Variants in PLPPR4 observed in about 807,000 individuals in gnomAD.
PLPPR4 encodes phospholipid phosphatase related 4, also known as phospholipid phosphatase-related protein type 4.
A neutral mutation model predicts 56.6 loss-of-function variants in PLPPR4; 24 were observed. That is an observed-to-expected ratio of 0.42 (90% confidence interval 0.31 to 0.60). PLPPR4 has a LOEUF of 0.60. Ranked by LOEUF, PLPPR4 falls within the 20% of genes least tolerant of loss-of-function variation. The pLI is 0.13. For synonymous variants in PLPPR4, 326 were observed against 328.1 expected (o/e 0.99, Z 0.07); for missense variants, 654 against 885.8 (o/e 0.74, Z 3.32).
At chr1:99,291,146 C>T (rs1420144386) in intron 2 of PLPPR4, among the ~76,000 whole-genome samples, 1 of 150,956 alleles carries the variant, frequency 6.6e-6, no homozygotes, top group Non-Finnish European at 1.5e-5. Context: ...AGACACTTCT[C>T]AAAAGAGGGC....
intron 1 of PLPPR4, among the ~76,000 whole-genome samples, chr1:99,279,290 C>G (rs537331142): frequency 2.6e-5 from 4 of 151,950 alleles, no homozygotes; most frequent in African/African-American, 9.7e-5. Context: ...GAAAGTGATC[C>G]GAAGGAAGCA....
At chr1:99,263,024 C>T (rs959969782), upstream of PLPPR4, among the ~76,000 whole-genome samples, 1 of 152,248 alleles carries the variant, frequency 6.6e-6, no homozygotes, top group African/African-American at 2.4e-5. Context: ...CTTCTGATTA[C>T]TTCTATTTTC....
At chr1:99,282,613 C>A (rs543586747) in intron 1 of PLPPR4, among the ~76,000 whole-genome samples, 10 of 152,256 alleles carry the variant, frequency 6.6e-5, no homozygotes, top group African/African-American at 2.4e-4. Flanking sequence ...CATTTCAAAT[C>A]ATACTACACC....
intron 1 of PLPPR4, among the ~76,000 whole-genome samples, chr1:99,272,084 C>A (rs1349613027): frequency 6.6e-6 from 1 of 152,100 alleles, no homozygotes; most frequent in African/African-American, 2.4e-5. Flanking sequence ...TTACTCAAAG[C>A]AAACACATTT....
chr1:99,278,555 C>G (rs879021165), intron 1 of PLPPR4, among the ~76,000 whole-genome samples: 1 of 152,096 alleles, frequency 6.6e-6, no homozygotes, highest in Admixed American at 6.6e-5. Flanking sequence ...TACAGATTCT[C>G]AGCCTCAGGT....
intron 1 of PLPPR4, among the ~76,000 whole-genome samples, chr1:99,270,749 A>G (rs183676448): frequency 5.9e-5 from 9 of 152,262 alleles, no homozygotes; most frequent in Non-Finnish European, 1.2e-4. Flanking sequence ...ACATTTCTGC[A>G]TTGCATATAC....
intron 1 of PLPPR4, among the ~76,000 whole-genome samples, chr1:99,287,033 C>A (rs528900921): frequency 1.8e-4 from 28 of 152,212 alleles, no homozygotes; most frequent in African/African-American, 6.7e-4. Flanking sequence ...TAAGTTCCCT[C>A]CCCTCAACCC....
intron 1 of PLPPR4, among the ~76,000 whole-genome samples, chr1:99,285,261 G>C (rs1165071769): frequency 6.6e-6 from 1 of 152,022 alleles, no homozygotes; most frequent in African/African-American, 2.4e-5. Flanking sequence ...GAAAGTTTTA[G>C]GTTAAATGAG....
chr1:99,280,399 G>A (rs1235725328), intron 1 of PLPPR4, among the ~76,000 whole-genome samples: 1 of 152,188 alleles, frequency 6.6e-6, no homozygotes, highest in Non-Finnish European at 1.5e-5. Flanking sequence ...CTCAACACAT[G>A]CTGTGTACTT....
chr1:99,270,859 C>A (rs969661347), intron 1 of PLPPR4, among the ~76,000 whole-genome samples: 10 of 152,142 alleles, frequency 6.6e-5, no homozygotes, highest in Non-Finnish European at 1.3e-4. Context: ...GATGAGTTGG[C>A]AAGTCTCTTC....
chr1:99,303,743 A>T (rs1659943815), intron 6 of PLPPR4, among the ~76,000 whole-genome samples: 1 of 152,188 alleles, frequency 6.6e-6, no homozygotes, highest in African/African-American at 2.4e-5. Flanking sequence ...CACAGTCAAG[A>T]TTGTCACTTT....
chr1:99,306,771 C>G lies in PLPPR4; in HGVS notation c.1909C>G (p.Arg637Gly), dbSNP rs1660041778. The change falls in exon 7 of 7, where the codon CGC (arginine) becomes GGC (glycine). Residue 637 changes from arginine to glycine, a missense_variant. Arg to Gly is a moderately radical substitution (Grantham distance 125). Coordinates refer to ENST00000370185, the MANE Select transcript of PLPPR4 (RefSeq NM_014839.5). This position sits in a 1 kb window ranked among gnomAD's most constrained non-coding sequence, Gnocchi z 4.0. ...GAAAGACAGCTTTGGTTCTGGAGAT[C>G]GCAAGAGAAGCAACATTGATAGCAA... Reference protein sequence around the residue: ...SLKDSFGSGDRKRSNIDSNEH... With the variant: ...SLKDSFGSGDGKRSNIDSNEH... The G allele has an allele frequency of 6.2e-7, 1 of 1,613,832 alleles. No homozygotes were observed. Among genetic ancestry groups the G allele is most frequent in the African/African-American group, 1.3e-5 (1 of 74,900 alleles).
At chr1:99,285,472 A>C (rs1310594463) in intron 1 of PLPPR4, among the ~76,000 whole-genome samples, 1 of 152,298 alleles carries the variant, frequency 6.6e-6, no homozygotes, top group African/African-American at 2.4e-5. Context: ...AGGAGAGGGA[A>C]GTAGTGAGGC....
At chr1:99,278,713 C>T (rs892373041) in intron 1 of PLPPR4, among the ~76,000 whole-genome samples, 1 of 152,122 alleles carries the variant, frequency 6.6e-6, no homozygotes, top group Non-Finnish European at 1.5e-5. Context: ...AGTGCTAGAT[C>T]AATATTCAGG....
At chr1:99,287,881 A>G (rs1221667129) in intron 1 of PLPPR4, 84 bp from the exon 2 acceptor site, 2 of 962,572 alleles carry the variant, frequency 2.1e-6, no homozygotes, top group Non-Finnish European at 3.1e-6. Context: ...GAGTAGCGAG[A>G]GAAGGAGAGA....
At position 99,307,092 on chromosome 1, in the gene PLPPR4, A is replaced by C. The variant is rs1660050693; in HGVS notation, c.*82A>C. On this transcript the variant is annotated 3_prime_UTR_variant, in exon 7 of 7. Transcript: ENST00000370185. ...TGTGTTCTGTTCCAGCGAATTGGGAAGTCTCACCAAGCTAGATTGTCTACC... is the reference window on the plus strand; with the variant it reads ...TGTGTTCTGTTCCAGCGAATTGGGACGTCTCACCAAGCTAGATTGTCTACC... The C allele has an allele frequency of 1.4e-6, 2 of 1,479,304 alleles. No individual in the cohort carries two copies. Among genetic ancestry groups the C allele is most frequent in the African/African-American group, 2.8e-5 (2 of 71,310 alleles). 91.6% of individuals were successfully genotyped at this position (1,479,304 alleles called of 1,614,324 possible). A position where few individuals can be genotyped will look rare whatever the true frequency, so the allele number is the denominator to read the frequency against.
chr1:99,278,007 T>C (rs559372219), intron 1 of PLPPR4, among the ~76,000 whole-genome samples: 1 of 152,274 alleles, frequency 6.6e-6, no homozygotes, highest in African/African-American at 2.4e-5. Context: ...CTTACCTTTT[T>C]AGAGGATATG....
chr1:99,275,099 T>C (rs1220677925), intron 1 of PLPPR4, among the ~76,000 whole-genome samples: 1 of 152,116 alleles, frequency 6.6e-6, no homozygotes, highest in Non-Finnish European at 1.5e-5. Context: ...GCCTGTATTG[T>C]AGCAACTGAG....
At chr1:99,296,494 A>G (rs1659745541) in intron 2 of PLPPR4, among the ~76,000 whole-genome samples, 1 of 152,190 alleles carries the variant, frequency 6.6e-6, no homozygotes, top group African/African-American at 2.4e-5. Context: ...TGCTGGTAAA[A>G]TGTTCCAGTA....
Sources: gnomAD v4.1 joint callset for allele counts (sites outside exome capture counted in the v4.1 genomes callset) on GRCh38, gnomAD v4.1.1 for gene constraint, Gnocchi (gnomAD v3.1) non-coding constraint, MANE v1.5 for transcripts, NCBI Gene and HGNC (gene_info 2026-07-23, HGNC 2026-07-21) for gene names.